RPAP2: variants seen among roughly 807,000 people sequenced by gnomAD.
RPAP2 encodes RNA polymerase II associated protein 2, also known as putative RNA polymerase II subunit B1 CTD phosphatase RPAP2.
Under a neutral mutation model 73.1 loss-of-function variants are expected in RPAP2, and 52 were observed. The ratio of observed to expected loss-of-function variants is 0.71; its 90% CI spans 0.57 to 0.90. The LOEUF (loss-of-function observed/expected upper bound fraction) is 0.90. Ranked by LOEUF, RPAP2 falls within the 40% of genes least tolerant of loss-of-function variation. The pLI, the probability that RPAP2 is intolerant of heterozygous loss-of-function variation, is 0.00. For missense variants in RPAP2, 598 were observed against 701.8 expected, an observed-to-expected ratio of 0.85 and a Z score of 1.67; for synonymous variants, 225 against 242.1, an observed-to-expected ratio of 0.93 and a Z score of 0.65.
At chr1:92,367,409 T>G (rs1654974664) in intron 11 of RPAP2, among the ~76,000 whole-genome samples, 1 of 152,216 alleles carries the variant, frequency 6.6e-6, no homozygotes, top group Non-Finnish European at 1.5e-5. Context: ...TTTGTTTTAA[T>G]TGGTTAAAGT....
Position 92,396,096 on chromosome 1 carries a change from G to A in RPAP2, c.*9085G>A, listed in dbSNP as rs960359528. 6.6e-6 allele frequency: 1 copy of A among 152,080 alleles called. No individual in the cohort carries two copies. The highest frequency in any genetic ancestry group is 2.4e-5 in the African/African-American group (1 of 41,414). The allele number at this position is 152,080 out of a possible 1,614,324, so 9.4% of individuals were successfully genotyped here. On this transcript the variant is annotated 3_prime_UTR_variant, in exon 13 of 13. Transcript: ENST00000610020. ...ATATGATCCTGCTATTCCATGAGAA[G>A]AGAAGTGGAAATGTGTTCACATCAA...
chr1:92,385,828 G>T (rs1336385170), intron 12 of RPAP2, among the ~76,000 whole-genome samples: 2 of 152,206 alleles, frequency 1.3e-5, no homozygotes, highest in South Asian at 4.1e-4. Flanking sequence ...CAGGAATCTA[G>T]GTGCAGTTGA....
At chr1:92,354,918 A>G (rs2101357646) in intron 11 of RPAP2, among the ~76,000 whole-genome samples, 2 of 149,698 alleles carry the variant, frequency 1.3e-5, no homozygotes, top group East Asian at 3.9e-4. Flanking sequence ...TATTATTATT[A>G]TTGAGACAGG....
chr1:92,345,798 GTTTA>G, intron 10 of RPAP2, 44 bp from the exon 11 acceptor site: 3 of 1,164,014 alleles, frequency 2.6e-6, no homozygotes, highest in African/African-American at 1.5e-5. Context: ...GAAATAGAAA[GTTTA>G]TTTAAAGGTA....
chr1:92,399,446 G>A lies in RPAP2; in HGVS notation c.*12435G>A, dbSNP rs1254658422. The A allele has an allele frequency of 6.6e-6, 1 of 151,964 alleles. No homozygotes were observed. Among genetic ancestry groups the A allele is most frequent in the Non-Finnish European group, 1.5e-5 (1 of 67,994 alleles). 9.4% of individuals were successfully genotyped at this position (151,964 alleles called of 1,614,324 possible). A position where few individuals can be genotyped will look rare whatever the true frequency, so the allele number is the denominator to read the frequency against. On this transcript the variant is annotated 3_prime_UTR_variant, in exon 13 of 13. Coordinates refer to ENST00000610020, the MANE Select transcript of RPAP2 (RefSeq NM_024813.3). ...GTGACAAAAATAAGAGCAATAAAAT[G>A]AAGTTTTAACAGTGAAAACTTCTAT... is the stretch of plus-strand genomic sequence containing the variant.
intron 7 of RPAP2, among the ~76,000 whole-genome samples, chr1:92,322,632 TG>T (rs1269904065): frequency 6.6e-6 from 1 of 152,062 alleles, no homozygotes; most frequent in Non-Finnish European, 1.5e-5. Context: ...TCCAGCACTT[TG>T]GGAGGCCAAG....
chr1:92,364,840 A>AATC (rs970650354), intron 11 of RPAP2, among the ~76,000 whole-genome samples: 2 of 152,132 alleles, frequency 1.3e-5, no homozygotes, highest in African/African-American at 4.8e-5. Context: ...TAGCTTTAAA[A>AATC]ATCATCTCAC....
At position 92,322,509 on chromosome 1, in the gene RPAP2, G is replaced by T. The variant is rs935231001; in HGVS notation, c.525-936G>T. Among the ~76,000 whole-genome samples, 3 of 149,588 alleles carry T rather than the reference G, an allele frequency of 2.0e-5. No homozygotes were observed. The East Asian group carries it at 6.1e-4, about 30-fold the overall frequency. On this transcript the variant is annotated intron_variant, in intron 7 of 12. Transcript: ENST00000610020. ...CAGTGAACCGAGATCTTGCCACTGC[G>T]CTCCAGCCTGGGTGACAGAGCAAGA... is the stretch of plus-strand genomic sequence containing the variant.
chr1:92,318,108 A>G (rs1652031611), intron 6 of RPAP2, among the ~76,000 whole-genome samples: 2 of 152,160 alleles, frequency 1.3e-5, no homozygotes, highest in South Asian at 2.1e-4. Context: ...CTTGAGCTCT[A>G]CAGTCAGCGA....
At chr1:92,382,679 C>T (rs1366281154) in intron 12 of RPAP2, among the ~76,000 whole-genome samples, 2 of 151,942 alleles carry the variant, frequency 1.3e-5, no homozygotes, top group Non-Finnish European at 2.9e-5. Context: ...AGCCCTTTGT[C>T]GATGAGTAGG....
chr1:92,369,948 G>A (rs1020393815), intron 11 of RPAP2, among the ~76,000 whole-genome samples: 2 of 152,100 alleles, frequency 1.3e-5, no homozygotes, highest in East Asian at 1.9e-4. Context: ...GCAGTGGTGC[G>A]ATCTCGGCTT....
intron 6 of RPAP2, among the ~76,000 whole-genome samples, chr1:92,308,400 C>T (rs1651375581): frequency 6.6e-6 from 1 of 152,166 alleles, no homozygotes; most frequent in Admixed American, 6.5e-5. Flanking sequence ...TCCTTTTTCT[C>T]CTTTCTTAAT....
At chr1:92,373,619 T>G (rs977851099) in intron 11 of RPAP2, among the ~76,000 whole-genome samples, 3 of 151,494 alleles carry the variant, frequency 2.0e-5, no homozygotes, top group Non-Finnish European at 4.4e-5. Flanking sequence ...TGTAAGGCCA[T>G]GTACAGTGGC....
At chr1:92,323,402 G>T (rs367821342) in intron 7 of RPAP2, 43 bp from the exon 8 acceptor site, 1 of 1,366,742 alleles carries the variant, frequency 7.3e-7, no homozygotes, top group East Asian at 2.3e-5. Flanking sequence ...GGTTTTATTT[G>T]CTATTTTTTA....
intron 6 of RPAP2, 23 bp downstream of exon 6, chr1:92,307,299 T>C (rs746988175): frequency 1.4e-6 from 2 of 1,466,778 alleles, no homozygotes; most frequent in South Asian, 2.4e-5. Context: ...ATTGTGTATA[T>C]ACATTTGTTC....
Position 92,315,580 on chromosome 1 carries a change from T to A in RPAP2, c.489-5019T>A, listed in dbSNP as rs191004195. Among the ~76,000 whole-genome samples the A allele has an allele frequency of 6.6e-5, 10 of 152,320 alleles. No individual in the cohort carries two copies. The East Asian group carries it at 1.7e-3, about 26-fold the overall frequency. On this transcript the variant is annotated intron_variant, in intron 6 of 12. Coordinates refer to ENST00000610020, the MANE Select transcript of RPAP2 (RefSeq NM_024813.3). ...GCTTGTGTAAATTTATTTACCAGAT[T>A]TTATAATACCAAAACCAAACAATAT...
Position 92,338,648 on chromosome 1 carries a change from A to ATT in RPAP2, c.1619+2239_1619+2240dup, listed in dbSNP as rs11455274. ...CAGATCAGGCAGAGGCTGATCATTGATTTTTTTTTTTTTTTTTTTAAAGAC... is the reference window on the plus strand; with the variant it reads ...CAGATCAGGCAGAGGCTGATCATTGATTTTTTTTTTTTTTTTTTTTTAAAGAC... On this transcript the variant is annotated intron_variant, in intron 10 of 12. Transcript: ENST00000610020. 4.9e-3 allele frequency among the ~76,000 whole-genome samples: 702 copies of ATT among 142,682 alleles called. 5 individuals are homozygous for ATT. The highest frequency in any genetic ancestry group is 7.2e-3 in the Middle Eastern group (2 of 278). 93.6% of individuals were successfully genotyped at this position (142,682 alleles called of 152,430 possible).
chr1:92,365,237 C>T (rs557754614), intron 11 of RPAP2, among the ~76,000 whole-genome samples: 1 of 152,248 alleles, frequency 6.6e-6, no homozygotes, highest in Non-Finnish European at 1.5e-5. Context: ...ATATAAAAAT[C>T]TCATTTTCTT....
At chr1:92,371,319 A>ATATATATATATAT in intron 11 of RPAP2, among the ~76,000 whole-genome samples, 1 of 61,726 alleles carries the variant, frequency 1.6e-5, no homozygotes, top group African/African-American at 7.2e-5. Context: ...AAAAAAAAAA[A>ATATATATATATAT]ATATATATAT....
Sources: gnomAD v4.1 joint callset for allele counts (sites outside exome capture counted in the v4.1 genomes callset) on GRCh38, gnomAD v4.1.1 for gene constraint, MANE v1.5 for transcripts, NCBI Gene and HGNC (gene_info 2026-07-23, HGNC 2026-07-21) for gene names.